Variants in SLIT1 observed in about 807,000 individuals in gnomAD.
SLIT1 encodes the protein slit guidance ligand 1.
SLIT1 carries 66 observed loss-of-function variants against 186.1 expected under a neutral mutation model. The observed-to-expected ratio is 0.35, with a 90% CI of 0.29 to 0.44. The LOEUF (loss-of-function observed/expected upper bound fraction) is 0.44, where lower values mean the gene tolerates loss of function less well. SLIT1 is among the 20% of genes least tolerant of loss of function. The pLI is 1.00. For synonymous variants in SLIT1, 761 were observed against 833.8 expected, an observed-to-expected ratio of 0.91 and a Z score of 1.50; for missense variants, 1,638 against 2,037.4, an observed-to-expected ratio of 0.80 and a Z score of 3.77.
chr10:97,000,769 C>G lies in SLIT1; in HGVS notation c.*343G>C, dbSNP rs2134582754. 4.2e-6 allele frequency: 1 copy of G among 237,096 alleles called. No homozygotes were observed. Among genetic ancestry groups the G allele is most frequent in the African/African-American group, 2.2e-5 (1 of 44,484 alleles). The allele number at this position is 237,096 out of a possible 1,614,324, so 14.7% of individuals were successfully genotyped here. On this transcript the variant is annotated 3_prime_UTR_variant, in exon 37 of 37. Coordinates refer to ENST00000266058, the MANE Select transcript of SLIT1 (RefSeq NM_003061.3). ...TTTGGAAGGCTGTCATTTTTCTTCT[C>G]CAGATTCAGATAGCAGGTAAGGAGG...
At position 97,010,263 on chromosome 10, in the gene SLIT1, G is replaced by A. The variant is rs112977688; in HGVS notation, c.3341+730C>T. 1.1e-3 allele frequency among the ~76,000 whole-genome samples: 171 copies of A among 152,312 alleles called. No homozygotes were observed. Among genetic ancestry groups the A allele is most frequent in the Non-Finnish European group, 2.1e-3 (146 of 68,036 alleles). On this transcript the variant is annotated intron_variant, in intron 31 of 36. Coordinates refer to ENST00000266058, the MANE Select transcript of SLIT1 (RefSeq NM_003061.3). This position sits in a 1 kb window ranked among gnomAD's most constrained non-coding sequence, Gnocchi z 4.8. ...GAAGTGCCGACACATGTTACCACAC[G>A]GATGAACCTCAAAACATGATGCTGA...
chr10:97,166,557 A>AGGAAGGAAGGAAAGAGAG (rs1283710320), intron 1 of SLIT1, among the ~76,000 whole-genome samples: 37 of 55,184 alleles, frequency 6.7e-4, no homozygotes, highest in South Asian at 2.5e-3. Flanking sequence ...GAAGGAAGGA[A>AGGAAGGAAGGAAAGAGAG]AGAGAGAGAG....
intron 4 of SLIT1, among the ~76,000 whole-genome samples, chr10:97,098,300 C>A (rs1849312878): frequency 2.6e-5 from 4 of 152,186 alleles, no homozygotes; most frequent in African/African-American, 9.7e-5. Context: ...TCACAAAAGT[C>A]CTACTGCTGC....
chr10:97,019,394 A>C (rs1267011647), intron 26 of SLIT1, among the ~76,000 whole-genome samples: 2 of 152,196 alleles, frequency 1.3e-5, no homozygotes, highest in Non-Finnish European at 2.9e-5. Flanking sequence ...CACTGTGCAC[A>C]GTGGCCATTA....
intron 26 of SLIT1, among the ~76,000 whole-genome samples, chr10:97,020,560 G>C (rs1319174566): frequency 6.6e-6 from 1 of 152,228 alleles, no homozygotes; most frequent in Non-Finnish European, 1.5e-5. Flanking sequence ...GGGTGGCCCA[G>C]GGCCTCCTCA....
chr10:97,109,429 A>C (rs763667381), intron 4 of SLIT1, among the ~76,000 whole-genome samples: 27 of 152,144 alleles, frequency 1.8e-4, no homozygotes, highest in Non-Finnish European at 3.5e-4. Flanking sequence ...GTAGGGCAGA[A>C]GGACTGCCTC....
chr10:97,045,052 C>A (rs542540215), intron 18 of SLIT1, among the ~76,000 whole-genome samples: 1 of 152,178 alleles, frequency 6.6e-6, no homozygotes, highest in African/African-American at 2.4e-5. Flanking sequence ...AAGTCTGCAA[C>A]CCAGAAGAGG....
At chr10:97,164,698 G>A (rs1850079058) in intron 2 of SLIT1, 121 bp downstream of exon 2, 3 of 757,238 alleles carry the variant, frequency 4.0e-6, no homozygotes, top group Non-Finnish European at 7.0e-6. Context: ...GTCTTGCCAA[G>A]ACTGACTCCG....
At chr10:97,035,936 T>G (rs546291711) in intron 22 of SLIT1, among the ~76,000 whole-genome samples, 4 of 152,290 alleles carry the variant, frequency 2.6e-5, no homozygotes, top group Non-Finnish European at 4.4e-5. Context: ...CTCCCTGAGT[T>G]GATCACATCC....
chr10:97,072,781 G>A (rs1849011716), intron 4 of SLIT1, among the ~76,000 whole-genome samples: 2 of 152,210 alleles, frequency 1.3e-5, no homozygotes, highest in Non-Finnish European at 2.9e-5. Flanking sequence ...GTAGAGAGAA[G>A]GACCAGGTTC....
At chr10:97,185,450 G>T (rs756270430) in intron 1 of SLIT1, 28 bp downstream of exon 1, 10 of 1,603,344 alleles carry the variant, frequency 6.2e-6, no homozygotes, top group African/African-American at 1.3e-5. Flanking sequence ...CTCGGAGCCA[G>T]GGAGCCAGGG....
Position 97,068,133 on chromosome 10 carries a change from T to TTGAATGAA in SLIT1, c.414-2055_414-2048dup, listed in dbSNP as rs113007870. Among the ~76,000 whole-genome samples the TTGAATGAA allele has an allele frequency of 0.045, 6,895 of 151,780 alleles. 516 individuals carry two copies. The highest frequency in any genetic ancestry group is 0.16 in the African/African-American group (6,430 of 41,170). ...ACATCAGCCACTCGCCAAGCATTTG[T>TTGAATGAA]TGAATGAATGAATGAATGAATGAAT... On this transcript the variant is annotated intron_variant, in intron 4 of 36. Transcript: ENST00000266058. This position sits in a 1 kb window ranked among gnomAD's most constrained non-coding sequence, Gnocchi z 4.2.
rs1216584447 is a variant in SLIT1 at position 97,057,273 on chromosome 10, T to A, written c.1094A>T (p.Tyr365Phe). The change falls in exon 12 of 37, where the codon TAT becomes TTT. Residue 365 changes from tyrosine to phenylalanine, a missense_variant. Tyr to Phe is a conservative substitution (Grantham distance 22). Coordinates refer to ENST00000266058, the MANE Select transcript of SLIT1 (RefSeq NM_003061.3). Reference protein sequence around the residue: ...GLRSLNSLVLYGNKITDLPRG... With the variant: ...GLRSLNSLVLFGNKITDLPRG... The stretch of plus-strand genomic sequence containing the variant: ...GGGGAGGTCTGTGATCTTGTTTCCA[T>A]AGAGGACCCTGGAGAAAAGGCAGCA... 3.1e-6 allele frequency: 5 copies of A among 1,613,594 alleles called. No individual in the cohort carries two copies. The highest frequency in any genetic ancestry group is 1.3e-5 in the African/African-American group (1 of 74,892).
In SLIT1 at chr10:97,040,165, C is replaced by T. The variant is rs200484800; in HGVS notation, c.2165-45G>A. ...GCCCCTGTCAGGGAGGTGGACGGGC[C>T]GCTGTAGGGCCTCCTACAGTCAGGG... On this transcript the variant is annotated intron_variant, in intron 20 of 36. Transcript: ENST00000266058. 4.8e-5 allele frequency: 72 copies of T among 1,495,120 alleles called. No individual in the cohort carries two copies. In the Admixed American group the frequency reaches 6.3e-4, roughly 13 times the overall value. 92.6% of individuals were successfully genotyped at this position (1,495,120 alleles called of 1,614,324 possible).
chr10:97,128,392 C>T (rs993165884), intron 4 of SLIT1, among the ~76,000 whole-genome samples: 1 of 152,184 alleles, frequency 6.6e-6, no homozygotes, highest in Admixed American at 6.5e-5. Context: ...TGGCTAGAAG[C>T]GCACGTGTGC....
chr10:97,125,397 C>T (rs763382253), intron 4 of SLIT1, among the ~76,000 whole-genome samples: 2 of 152,006 alleles, frequency 1.3e-5, no homozygotes, highest in Non-Finnish European at 2.9e-5. Context: ...TTAGCCAGGC[C>T]TGGTGGTGCA....
chr10:97,013,552 T>A (rs1420612458), intron 30 of SLIT1, among the ~76,000 whole-genome samples, 189 bp downstream of exon 30: 2 of 152,152 alleles, frequency 1.3e-5, no homozygotes. Context: ...CAGGTCTCTG[T>A]GGCCACAAAG....
intron 20 of SLIT1, among the ~76,000 whole-genome samples, chr10:97,042,057 C>G (rs59838893): frequency 0.1 from 15,203 of 151,998 alleles, 935 homozygotes; most frequent in Middle Eastern, 0.14. Flanking sequence ...AAGTCAGAAG[C>G]AAAAGTATTC....
intron 4 of SLIT1, among the ~76,000 whole-genome samples, chr10:97,125,563 G>T (rs1186515671): frequency 2.0e-5 from 3 of 151,098 alleles, no homozygotes; most frequent in Admixed American, 6.6e-5. Flanking sequence ...AGTAGGCCGG[G>T]CGCAGTGGCT....
Sources: allele counts gnomAD v4.1 joint callset (sites outside exome capture counted in the v4.1 genomes callset), GRCh38; gene constraint gnomAD v4.1.1; non-coding constraint Gnocchi (gnomAD v3.1); transcripts MANE v1.5; gene names NCBI Gene and HGNC (gene_info 2026-07-23, HGNC 2026-07-21).